ZNF483: variants seen among roughly 807,000 people sequenced by gnomAD.
ZNF483 encodes the protein zinc finger protein 483, also known as zinc finger protein HIT-10.
ZNF483 carries 9 observed loss-of-function variants against 28.6 expected under a neutral mutation model. That is an observed-to-expected ratio of 0.32 (90% CI 0.19 to 0.55). The LOEUF (loss-of-function observed/expected upper bound fraction) is 0.55. Among genes scored for constraint, ZNF483 ranks in the 20% least tolerant of loss-of-function variants. The pLI is 0.93. For missense variants in ZNF483, 675 were observed against 871.7 expected (o/e 0.77, Z 2.84); for synonymous variants, 322 against 306.2 (o/e 1.05, Z -0.54).
intron 5 of ZNF483, among the ~76,000 whole-genome samples, chr9:111,575,172 G>A (rs1049300502): frequency 3.9e-5 from 6 of 152,054 alleles, no homozygotes; most frequent in Admixed American, 6.5e-5. Flanking sequence ...CATGGTGGTG[G>A]GCACCCATAA....
rs1363085830 is a variant in ZNF483 at position 111,527,462 on chromosome 9, A to C, written c.67A>C (p.Thr23Pro). 1 of 1,614,184 alleles carries C rather than the reference A, an allele frequency of 6.2e-7. No homozygotes were observed. The highest frequency in any genetic ancestry group is 8.5e-7 in the Non-Finnish European group (1 of 1,180,032). The change falls in exon 2 of 6, where the codon ACT (threonine) becomes CCT (proline). Residue 23 changes from threonine (T) to proline (P), a missense_variant. Physicochemically the swap from Thr to Pro is conservative, Grantham distance 38. Coordinates refer to ENST00000309235, the MANE Select transcript of ZNF483 (RefSeq NM_133464.5). ...ACCAGAACCTCAAACTCTGGCCTCGACTGAACAAAATGAGGTCCCAAGAGT... is the reference window on the plus strand; with the variant it reads ...ACCAGAACCTCAAACTCTGGCCTCGCCTGAACAAAATGAGGTCCCAAGAGT... The part of the protein sequence containing the change: ...ISPEPQTLAS[T>P]EQNEVPRVVT...
At chr9:111,539,416 T>C (rs1343882952) in intron 5 of ZNF483, 1 of 456,228 alleles carries the variant, frequency 2.2e-6, no homozygotes, top group Admixed American at 2.3e-5. Flanking sequence ...TTTGGTTTAG[T>C]AATTCTGCTT....
Position 111,547,798 on chromosome 9 carries a change from T to C in ZNF483, c.*4628T>C, listed in dbSNP as rs1037749247. Among the ~76,000 whole-genome samples, 2 of 152,226 alleles carry C rather than the reference T, an allele frequency of 1.3e-5. No individual in the cohort carries two copies. The highest frequency in any genetic ancestry group is 1.3e-4 in the Admixed American group (2 of 15,290). ...TTATGTTTAAGTCTTTTAACCATTT[T>C]GATTTTTATGTATGGTAAAGGGTCC... is the stretch of plus-strand genomic sequence containing the variant. On this transcript the variant is annotated 3_prime_UTR_variant, in exon 6 of 6. Coordinates refer to ENST00000309235, the MANE Select transcript of ZNF483 (RefSeq NM_133464.5).
chr9:111,572,285 T>A (rs918573802), intron 5 of ZNF483, among the ~76,000 whole-genome samples: 6 of 152,200 alleles, frequency 3.9e-5, no homozygotes, highest in Non-Finnish European at 7.3e-5. Flanking sequence ...GGATTGGAAC[T>A]CTCATTTCCT....
At chr9:111,559,930 GT>G (rs1333461036), downstream of ZNF483, among the ~76,000 whole-genome samples, 1 of 152,072 alleles carries the variant, frequency 6.6e-6, no homozygotes, top group Admixed American at 6.5e-5. Context: ...TCTTTCCAGA[GT>G]TTTTGTACAG....
chr9:111,540,491 T>G (rs1312933608), intron 5 of ZNF483, among the ~76,000 whole-genome samples: 1 of 152,172 alleles, frequency 6.6e-6, no homozygotes, highest in Non-Finnish European at 1.5e-5. Context: ...CTCTGGAGAT[T>G]GTTGGAATTG....
chr9:111,544,315 A>G lies in ZNF483; in HGVS notation c.*1145A>G. On this transcript the variant is annotated 3_prime_UTR_variant, in exon 6 of 6. Transcript: ENST00000309235. ...AACATTCTGTGTGGCAACAGTTAAA[A>G]GCTGTTATAACAATTTGCTTGGGTG... is the stretch of plus-strand genomic sequence containing the variant. 7.1e-6 allele frequency: 7 copies of G among 985,044 alleles called. No individual in the cohort carries two copies. Among genetic ancestry groups the G allele is most frequent in the Non-Finnish European group, 8.4e-6 (7 of 829,892 alleles). The allele number at this position is 985,044 out of a possible 1,614,324, so 61.0% of individuals were successfully genotyped here.
chr9:111,561,999 C>T (rs1828339039), intron 5 of ZNF483, among the ~76,000 whole-genome samples: 1 of 151,358 alleles, frequency 6.6e-6, no homozygotes, highest in South Asian at 2.1e-4. Flanking sequence ...GATTTTCCTG[C>T]CTCAGCCTCT....
At position 111,545,363 on chromosome 9, in the gene ZNF483, A is replaced by G. The variant is rs1827782230; in HGVS notation, c.*2193A>G. 6.6e-6 allele frequency among the ~76,000 whole-genome samples: 1 copy of G among 152,176 alleles called. No homozygotes were observed. Among genetic ancestry groups the G allele is most frequent in the Non-Finnish European group, 1.5e-5 (1 of 68,034 alleles). On this transcript the variant is annotated 3_prime_UTR_variant, in exon 6 of 6. Coordinates refer to ENST00000309235, the MANE Select transcript of ZNF483 (RefSeq NM_133464.5). ...CTTAGACTCCCTAACATTCATAACA[A>G]TGTTTTATCCCAGTATCCATTGGGA...
intron 1 of ZNF483, among the ~76,000 whole-genome samples, chr9:111,526,259 A>G (rs1438632758): frequency 1.3e-5 from 2 of 152,186 alleles, no homozygotes; most frequent in Admixed American, 6.5e-5. Flanking sequence ...CTAGGAGAGT[A>G]TGTAGAGAGA....
chr9:111,549,054 A>G lies in ZNF483; in HGVS notation c.*5884A>G, dbSNP rs115115155. 2.3e-3 allele frequency among the ~76,000 whole-genome samples: 347 copies of G among 152,240 alleles called. 3 individuals are homozygous for G. The highest frequency in any genetic ancestry group is 8.2e-3 in the African/African-American group (341 of 41,558). On this transcript the variant is annotated 3_prime_UTR_variant, in exon 6 of 6. Transcript: ENST00000309235. ...AGTCAATTGCAGTGCTTGTTGCCAT[A>G]GTTCAGAACCTGCACCACAAAGACC... is the stretch of plus-strand genomic sequence containing the variant.
At chr9:111,539,799 T>C (rs1969957) in intron 5 of ZNF483, 11,055 of 172,108 alleles carry the variant, frequency 0.064, 504 homozygotes, top group East Asian at 0.14. Flanking sequence ...TATATCTATA[T>C]GATGATCATC....
Position 111,554,563 on chromosome 9 carries a change from A to G in ZNF483, c.*11393A>G, listed in dbSNP as rs937523991. Among the ~76,000 whole-genome samples, 1 of 152,096 alleles carries G rather than the reference A, an allele frequency of 6.6e-6. No homozygotes were observed. Among genetic ancestry groups the G allele is most frequent in the Non-Finnish European group, 1.5e-5 (1 of 68,016 alleles). ...GATAGTACCAAACCCTGTATGTTCT[A>G]TGTTTTGTCAGTCTGATAACCCAAG... is the stretch of plus-strand genomic sequence containing the variant. On this transcript the variant is annotated 3_prime_UTR_variant, in exon 6 of 6. Coordinates refer to ENST00000309235, the MANE Select transcript of ZNF483 (RefSeq NM_133464.5).
chr9:111,533,063 T>TA (rs1827389983), intron 3 of ZNF483, among the ~76,000 whole-genome samples: 1 of 152,206 alleles, frequency 6.6e-6, no homozygotes, highest in Non-Finnish European at 1.5e-5. Context: ...AAGTTAAAAT[T>TA]TGGAATGTAG....
chr9:111,527,957 AT>A, intron 2 of ZNF483, 150 bp downstream of exon 2: 1 of 1,533,794 alleles, frequency 6.5e-7, no homozygotes, highest in Non-Finnish European at 8.8e-7. Flanking sequence ...TTACTGTGTG[AT>A]TTTGGGCAAG....
chr9:111,555,513 A>C (rs1385134795), downstream of ZNF483, among the ~76,000 whole-genome samples: 1 of 152,170 alleles, frequency 6.6e-6, no homozygotes, highest in East Asian at 1.9e-4. Flanking sequence ...GCTATAAGGA[A>C]CTACCTGAGA....
At chr9:111,560,974 TAGAGAG>T (rs1172194603) in intron 5 of ZNF483, among the ~76,000 whole-genome samples, 100 of 9,330 alleles carry the variant, frequency 0.011, 10 homozygotes, top group South Asian at 0.03. Flanking sequence ...TATATATATA[TAGAGAG>T]AGAGAGAGAG....
chr9:111,560,141 G>A (rs1828231282), downstream of ZNF483, among the ~76,000 whole-genome samples: 2 of 151,100 alleles, frequency 1.3e-5, no homozygotes. Context: ...AGGTCAGGAG[G>A]TCGAGACCAG....
rs888898658 is a variant in ZNF483 at position 111,547,151 on chromosome 9, G to A, written c.*3981G>A. 6.6e-6 allele frequency among the ~76,000 whole-genome samples: 1 copy of A among 152,000 alleles called. No individual in the cohort carries two copies. Among genetic ancestry groups the A allele is most frequent in the African/African-American group, 2.4e-5 (1 of 41,392 alleles). ...CAAGAATAACATTGCTATAATCAGT[G>A]GTGCTTTCTGTTCTTTTAAGTATAT... On this transcript the variant is annotated 3_prime_UTR_variant, in exon 6 of 6. Transcript: ENST00000309235.
Sources: gnomAD v4.1 joint callset for allele counts (sites outside exome capture counted in the v4.1 genomes callset) on GRCh38, gnomAD v4.1.1 for gene constraint, MANE v1.5 for transcripts, NCBI Gene and HGNC (gene_info 2026-07-23, HGNC 2026-07-21) for gene names.